Variants in CNBD1 observed in about 807,000 individuals in gnomAD.
The protein encoded by CNBD1 is cyclic nucleotide binding domain containing 1.
CNBD1 carries 71 observed loss-of-function variants against 54.4 expected under a neutral mutation model. The ratio of observed to expected loss-of-function variants is 1.30; its 90% confidence interval spans 1.08 to 1.59. The LOEUF is 1.59. Among genes scored for constraint, CNBD1 ranks in the 40% most tolerant of loss-of-function variants. The pLI is 0.00. For synonymous variants in CNBD1, 182 were observed against 170.7 expected, an observed-to-expected ratio of 1.07 and a Z score of -0.51; for missense variants, 659 against 518.0, an observed-to-expected ratio of 1.27 and a Z score of -2.64.
intron 1 of CNBD1, among the ~76,000 whole-genome samples, chr8:86,872,493 T>G (rs1179597392): frequency 6.6e-6 from 1 of 152,198 alleles, no homozygotes; most frequent in Non-Finnish European, 1.5e-5. Flanking sequence ...TTGTTAATAT[T>G]TTGAGGAACT....
chr8:86,995,879 T>C (rs1254742102), intron 4 of CNBD1, among the ~76,000 whole-genome samples: 1 of 152,192 alleles, frequency 6.6e-6, no homozygotes, highest in Non-Finnish European at 1.5e-5. Flanking sequence ...GACATTCATG[T>C]GAAAGATGAA....
At chr8:87,343,148 G>T (rs1432827397) in intron 8 of CNBD1, among the ~76,000 whole-genome samples, 1 of 152,104 alleles carries the variant, frequency 6.6e-6, no homozygotes, top group Non-Finnish European at 1.5e-5. Flanking sequence ...GCTGTATTCT[G>T]CCCAACCACG....
intron 9 of CNBD1, 70 bp downstream of exon 9, chr8:87,351,864 A>T: frequency 7.8e-7 from 1 of 1,283,528 alleles, no homozygotes; most frequent in Non-Finnish European, 1.0e-6. Context: ...ATACCTTTTC[A>T]TGTACTTACT....
intron 4 of CNBD1, among the ~76,000 whole-genome samples, chr8:87,127,204 G>A (rs1812010984): frequency 6.6e-6 from 1 of 151,970 alleles, no homozygotes; most frequent in African/African-American, 2.4e-5. Context: ...AATCCTGCTG[G>A]TATTTTGATT....
At chr8:87,364,251 A>T (rs1810590365) in intron 10 of CNBD1, among the ~76,000 whole-genome samples, 1 of 151,442 alleles carries the variant, frequency 6.6e-6, no homozygotes, top group Non-Finnish European at 1.5e-5. Context: ...ATATTCACAC[A>T]TCTAATGTGT....
intron 4 of CNBD1, among the ~76,000 whole-genome samples, chr8:87,070,793 G>A (rs567757180): frequency 2.6e-5 from 4 of 152,124 alleles, no homozygotes; most frequent in African/African-American, 9.6e-5. Flanking sequence ...TATTTGTTAA[G>A]TAGCTACTAT....
chr8:87,407,387 A>G (rs1807669051), intron 2 of CNBD1, among the ~76,000 whole-genome samples: 1 of 151,926 alleles, frequency 6.6e-6, no homozygotes, highest in African/African-American at 2.4e-5. Context: ...CGAACATACT[A>G]TATGATGTTA....
chr8:87,195,758 C>T (rs905687281), intron 4 of CNBD1, among the ~76,000 whole-genome samples: 3 of 139,908 alleles, frequency 2.1e-5, no homozygotes, highest in Non-Finnish European at 3.1e-5. Context: ...TTGTTAGTGG[C>T]GACAGGGTTT....
intron 6 of CNBD1, among the ~76,000 whole-genome samples, chr8:87,280,130 A>G (rs1004215168): frequency 2.6e-5 from 4 of 151,542 alleles, no homozygotes; most frequent in Non-Finnish European, 4.4e-5. Context: ...GTTAGTTCCA[A>G]CTTTACCTTC....
At position 87,391,594 on chromosome 8, in the gene CNBD1, G is replaced by A. The variant is rs116143724; in HGVS notation, c.214-36952G>A. 6.0e-3 allele frequency among the ~76,000 whole-genome samples: 906 copies of A among 152,080 alleles called. 10 individuals carry two copies. Among genetic ancestry groups the A allele is most frequent in the African/African-American group, 0.021 (854 of 41,528 alleles). The stretch of plus-strand genomic sequence containing the variant: ...ACAGGTTGCTGAGATAATTCAATAG[G>A]GGAAGAATAATCTTTTCAACAAATC... On this transcript the variant is annotated intron_variant, in intron 2 of 7. Coordinates refer to the CNBD1 transcript ENST00000521593.
intron 2 of CNBD1, among the ~76,000 whole-genome samples, chr8:86,901,506 A>T (rs753047083): frequency 5.9e-5 from 9 of 152,208 alleles, no homozygotes; most frequent in Non-Finnish European, 1.2e-4. Flanking sequence ...ACTGAATGAG[A>T]TGCAGAAGAA....
At chr8:87,427,602 G>A (rs1808071781) in intron 2 of CNBD1, among the ~76,000 whole-genome samples, 1 of 152,004 alleles carries the variant, frequency 6.6e-6, no homozygotes, top group Non-Finnish European at 1.5e-5. Context: ...AAATACTATG[G>A]TCCTAAATTG....
intron 4 of CNBD1, among the ~76,000 whole-genome samples, chr8:87,125,645 T>G (rs1252071798): frequency 6.6e-6 from 1 of 151,900 alleles, no homozygotes; most frequent in African/African-American, 2.4e-5. Flanking sequence ...TTGTGTTGTC[T>G]CTCATTCTTT....
At chr8:87,071,061 T>C (rs1010514552) in intron 4 of CNBD1, among the ~76,000 whole-genome samples, 12 of 152,158 alleles carry the variant, frequency 7.9e-5, no homozygotes, top group Admixed American at 1.3e-4. Flanking sequence ...AAAAAAACAG[T>C]TTTTTAAAAA....
At chr8:87,091,632 G>A (rs1439457703) in intron 4 of CNBD1, among the ~76,000 whole-genome samples, 1 of 152,028 alleles carries the variant, frequency 6.6e-6, no homozygotes, top group African/African-American at 2.4e-5. Context: ...TGTCAACCAA[G>A]ATAAAAAATA....
chr8:87,352,853 T>A (rs1194266139), intron 9 of CNBD1, among the ~76,000 whole-genome samples: 1 of 152,216 alleles, frequency 6.6e-6, no homozygotes, highest in Non-Finnish European at 1.5e-5. Flanking sequence ...GTGTAAAGAT[T>A]TGCCATTTAT....
chr8:87,385,830 C>T (rs1811171776), downstream of CNBD1, among the ~76,000 whole-genome samples: 1 of 152,156 alleles, frequency 6.6e-6, no homozygotes, highest in South Asian at 2.1e-4. Context: ...TCAAGTGGGT[C>T]CCTGACCCCC....
rs181778443 is a variant in CNBD1 at position 87,419,521 on chromosome 8, C to T, written c.214-9025C>T. On this transcript the variant is annotated intron_variant, in intron 2 of 7. Coordinates refer to the CNBD1 transcript ENST00000521593. ...TTGTTACATATTTATAGAAATTGTT[C>T]CTATGCCATAAAACTCATTTCAAAA... 5.0e-3 allele frequency among the ~76,000 whole-genome samples: 757 copies of T among 151,882 alleles called. 4 individuals are homozygous for T. The highest frequency in any genetic ancestry group is 7.6e-3 in the Non-Finnish European group (518 of 67,820).
Position 87,286,509 on chromosome 8 carries a change from T to G in CNBD1, c.910-30T>G, listed in dbSNP as rs758261401. ...TCTTTGATTTTAAATTGCCTGTTAT[T>G]AAAAATTTGATAATGACATTCTGTT... is the stretch of plus-strand genomic sequence containing the variant. On this transcript the variant is annotated intron_variant, in intron 7 of 10. Coordinates refer to ENST00000518476, the MANE Select transcript of CNBD1 (RefSeq NM_173538.3). 1.7e-5 allele frequency: 22 copies of G among 1,280,352 alleles called. 1 individual carries two copies. The Middle Eastern group carries it at 5.8e-4, about 34-fold the overall frequency. 79.3% of individuals were successfully genotyped at this position (1,280,352 alleles called of 1,614,324 possible).
Sources: allele counts gnomAD v4.1 joint callset (sites outside exome capture counted in the v4.1 genomes callset), GRCh38; gene constraint gnomAD v4.1.1; transcripts MANE v1.5; gene names NCBI Gene and HGNC (gene_info 2026-07-23, HGNC 2026-07-21).